The following GRID2 variants were observed in gnomAD, a reference collection of about 807,000 sequenced individuals.
The protein encoded by GRID2 is glutamate ionotropic receptor delta type subunit 2, also known as glutamate receptor ionotropic, delta-2.
Under a neutral mutation model 114.8 loss-of-function variants are expected in GRID2, and 33 were observed. That is an observed-to-expected ratio of 0.29 (90% CI 0.22 to 0.38). GRID2 has a LOEUF of 0.38. Ranked by LOEUF, GRID2 falls within the 10% of genes least tolerant of loss-of-function variation. GRID2 has a pLI of 1.00. For synonymous variants in GRID2, 505 were observed against 449.9 expected, an observed-to-expected ratio of 1.12 and a Z score of -1.55; for missense variants, 1,184 against 1,257.7, an observed-to-expected ratio of 0.94 and a Z score of 0.89.
rs1450872159 is a variant in GRID2, at chr4:93,239,383, G to A, written c.1245+893G>A. Reference sequence around the variant, plus strand: ...TATCTATCTATCTATATTTGGTAGGGAAAAACCTAACATAATTGTGTACGC... The same window carrying A: ...TATCTATCTATCTATATTTGGTAGGAAAAAACCTAACATAATTGTGTACGC... On this transcript the variant is annotated intron_variant, in intron 8 of 15. Coordinates refer to ENST00000282020, the MANE Select transcript of GRID2 (RefSeq NM_001510.4). 1.4e-4 allele frequency among the ~76,000 whole-genome samples: 14 copies of A among 100,824 alleles called. No homozygotes were observed. The South Asian group carries it at 4.0e-3, about 29-fold the overall frequency. The allele number at this position is 100,824 out of a possible 152,430, so 66.1% of individuals were successfully genotyped here. A position where few individuals can be genotyped will look rare whatever the true frequency, so the allele number is the denominator to read the frequency against.
chr4:92,472,158 C>A (rs1437551534), intron 1 of GRID2, among the ~76,000 whole-genome samples: 1 of 62,416 alleles, frequency 1.6e-5, no homozygotes, highest in Non-Finnish European at 3.3e-5. Context: ...TGGTCTCGAT[C>A]TCCTGACCTC....
chr4:92,954,610 TC>T (rs1383764514), intron 2 of GRID2, among the ~76,000 whole-genome samples: 1 of 149,752 alleles, frequency 6.7e-6, no homozygotes, highest in Non-Finnish European at 1.5e-5. Flanking sequence ...TTTTTAATTT[TC>T]TTTTTTTTTT....
intron 2 of GRID2, among the ~76,000 whole-genome samples, chr4:92,909,455 T>G (rs1479928147): frequency 6.6e-6 from 1 of 152,116 alleles, no homozygotes; most frequent in Non-Finnish European, 1.5e-5. Flanking sequence ...AATATATATC[T>G]TCTAAAATAT....
At chr4:93,076,222 A>C (rs1578917161) in intron 2 of GRID2, among the ~76,000 whole-genome samples, 1 of 152,184 alleles carries the variant, frequency 6.6e-6, no homozygotes, top group African/African-American at 2.4e-5. Context: ...TGCTGAAGAA[A>C]TAAGGTAATT....
intron 2 of GRID2, among the ~76,000 whole-genome samples, chr4:92,895,406 A>ATATATATATATATAG (rs1393247374): frequency 2.3e-5 from 1 of 44,218 alleles, no homozygotes. Flanking sequence ...TATATATATA[A>ATATATATATATATAG]ACTGAAAGAT....
rs1765261198 is a variant in GRID2, at chr4:93,395,684, G to T, written c.1323G>T (p.Val441=). The change falls in exon 9 of 16, where the codon GTG becomes GTT. Residue 441 remains valine, a synonymous_variant. Coordinates refer to ENST00000282020, the MANE Select transcript of GRID2 (RefSeq NM_001510.4). The part of the protein sequence containing the change: ...DKKLENNMRG[V]VLRVVTVLEE... ...AATTGGAGAATAACATGCGTGGAGT[G>T]GTTCTACGTGTAGTAACTGTTCTGG... The T allele has an allele frequency of 6.5e-7, 1 of 1,543,932 alleles. No individual in the cohort carries two copies.
intron 2 of GRID2, among the ~76,000 whole-genome samples, chr4:92,721,886 T>G (rs1287585002): frequency 6.6e-6 from 1 of 152,152 alleles, no homozygotes; most frequent in African/African-American, 2.4e-5. Flanking sequence ...TCTTTGTTCC[T>G]AAAATGAAAT....
intron 2 of GRID2, among the ~76,000 whole-genome samples, chr4:92,787,878 A>G (rs947114609): frequency 3.3e-5 from 5 of 151,842 alleles, no homozygotes; most frequent in Non-Finnish European, 5.9e-5. Flanking sequence ...AGTGAGTGTC[A>G]TCAGGATTGT....
At chr4:92,761,619 G>C (rs1166693900) in intron 2 of GRID2, among the ~76,000 whole-genome samples, 1 of 152,100 alleles carries the variant, frequency 6.6e-6, no homozygotes, top group Non-Finnish European at 1.5e-5. Context: ...CTGTGTCAGT[G>C]GTCCTTGGGC....
chr4:92,620,974 G>A (rs1730244872), intron 2 of GRID2, among the ~76,000 whole-genome samples: 1 of 138,938 alleles, frequency 7.2e-6, no homozygotes, highest in Non-Finnish European at 1.6e-5. Context: ...ACATTAGCTA[G>A]AGGAACAAAA....
intron 13 of GRID2, among the ~76,000 whole-genome samples, chr4:93,591,878 T>C (rs914850716): frequency 1.2e-4 from 19 of 152,234 alleles, no homozygotes; most frequent in Non-Finnish European, 2.6e-4. Flanking sequence ...TGGTAGTTTG[T>C]ATTTCTGTGG....
intron 8 of GRID2, among the ~76,000 whole-genome samples, chr4:93,244,219 G>A (rs890518907): frequency 2.0e-5 from 3 of 151,888 alleles, no homozygotes; most frequent in South Asian, 2.1e-4. Flanking sequence ...TATCACAAAC[G>A]GAATAAGGCT....
intron 7 of GRID2, among the ~76,000 whole-genome samples, chr4:93,227,160 C>T (rs1359978572): frequency 6.6e-6 from 1 of 152,170 alleles, no homozygotes; most frequent in Non-Finnish European, 1.5e-5. Flanking sequence ...ATAAATAGCA[C>T]ATCGCTCCTT....
In GRID2 at chr4:93,785,962, G is replaced by A. The variant is rs146223508; in HGVS notation, c.221+16512G>A. On this transcript the variant is annotated intron_variant, in intron 1 of 1. Transcript: ENST00000637838. ...CAAGGAATATGTGGGTCTATTTAGCGCAAAGTAAGTTCTGGACATCCAACA... is the reference window on the plus strand; with the variant it reads ...CAAGGAATATGTGGGTCTATTTAGCACAAAGTAAGTTCTGGACATCCAACA... 3.9e-4 allele frequency among the ~76,000 whole-genome samples: 59 copies of A among 152,272 alleles called. 1 individual carries two copies. The highest frequency in any genetic ancestry group is 1.3e-3 in the Admixed American group (20 of 15,294).
chr4:92,577,630 C>G (rs918837052), intron 1 of GRID2, among the ~76,000 whole-genome samples: 1 of 152,058 alleles, frequency 6.6e-6, no homozygotes. Flanking sequence ...CTGGTTGTAA[C>G]AGGACTTGGT....
At chr4:92,446,815 A>G (rs1410095309) in intron 1 of GRID2, among the ~76,000 whole-genome samples, 1 of 152,244 alleles carries the variant, frequency 6.6e-6, no homozygotes, top group Non-Finnish European at 1.5e-5. Flanking sequence ...TATCATGCAA[A>G]GAATATCTGC....
At chr4:92,399,326 A>C (rs989768968) in intron 1 of GRID2, among the ~76,000 whole-genome samples, 1 of 152,146 alleles carries the variant, frequency 6.6e-6, no homozygotes, top group Admixed American at 6.6e-5. Context: ...ATAGTCCGAG[A>C]TTCCTCAAGC....
chr4:93,038,420 A>C (rs1725134907), intron 2 of GRID2, among the ~76,000 whole-genome samples: 1 of 152,178 alleles, frequency 6.6e-6, no homozygotes, highest in Non-Finnish European at 1.5e-5. Flanking sequence ...GTTCATCATC[A>C]CTGGTCATTA....
intron 14 of GRID2, among the ~76,000 whole-genome samples, chr4:93,753,394 G>C (rs180776413): frequency 6.8e-4 from 104 of 152,178 alleles, no homozygotes; most frequent in African/African-American, 2.5e-3. Flanking sequence ...TGCCCAACGT[G>C]CAGGTTTGTT....
Sources: allele counts gnomAD v4.1 joint callset (sites outside exome capture counted in the v4.1 genomes callset), GRCh38; gene constraint gnomAD v4.1.1; transcripts MANE v1.5; gene names NCBI Gene and HGNC (gene_info 2026-07-23, HGNC 2026-07-21).